The following FOXP2 variants were observed in gnomAD, a reference collection of about 807,000 sequenced individuals.
The protein encoded by FOXP2 is forkhead box protein P2.
FOXP2 carries 12 observed loss-of-function variants against 115.8 expected under a neutral mutation model. That is an observed-to-expected ratio of 0.10 (90% CI 0.07 to 0.17). The LOEUF (loss-of-function observed/expected upper bound fraction) is 0.17, where lower values mean the gene tolerates loss of function less well. Among genes scored for constraint, FOXP2 ranks in the 10% least tolerant of loss-of-function variants. The pLI, the probability that FOXP2 is intolerant of heterozygous loss-of-function variation, is 1.00. For missense variants in FOXP2, 629 were observed against 843.5 expected (o/e 0.75, Z 3.15); for synonymous variants, 328 against 297.7 (o/e 1.10, Z -1.05).
chr7:114,613,381 AAT>A (rs1803735772), intron 3 of FOXP2, among the ~76,000 whole-genome samples: 1 of 152,090 alleles, frequency 6.6e-6, no homozygotes, highest in Non-Finnish European at 1.5e-5. Flanking sequence ...TGCATCAAGA[AAT>A]ATATTTTGGA....
At chr7:114,207,262 C>G (rs1057094661) in intron 1 of FOXP2, among the ~76,000 whole-genome samples, 2 of 152,086 alleles carry the variant, frequency 1.3e-5, no homozygotes, top group African/African-American at 4.8e-5. Context: ...TAATGCTGCT[C>G]TGAGCATTCA....
At chr7:114,169,328 A>T (rs1793073331) in intron 1 of FOXP2, among the ~76,000 whole-genome samples, 1 of 152,230 alleles carries the variant, frequency 6.6e-6, no homozygotes, top group Non-Finnish European at 1.5e-5. Context: ...GCCCAAGACC[A>T]TGGGAACCCA....
chr7:114,218,325 G>GT (rs1157777863), intron 1 of FOXP2, among the ~76,000 whole-genome samples: 1 of 152,090 alleles, frequency 6.6e-6, no homozygotes, highest in Non-Finnish European at 1.5e-5. Flanking sequence ...AAATTCATGG[G>GT]TTAGATACAT....
intron 2 of FOXP2, among the ~76,000 whole-genome samples, chr7:114,393,966 G>T (rs1250614263): frequency 7.8e-6 from 1 of 128,356 alleles, no homozygotes; most frequent in Non-Finnish European, 1.6e-5. Flanking sequence ...CAGTGTGCAT[G>T]TGTGTGTGTG....
intron 14 of FOXP2, among the ~76,000 whole-genome samples, chr7:114,662,647 C>T (rs927585078): frequency 6.6e-6 from 1 of 152,054 alleles, no homozygotes; most frequent in Non-Finnish European, 1.5e-5. Context: ...CAAATACTCT[C>T]ATTTTCCAAG....
chr7:114,619,965 G>T (rs530333618), intron 3 of FOXP2, among the ~76,000 whole-genome samples: 29 of 152,050 alleles, frequency 1.9e-4, no homozygotes, highest in South Asian at 4.1e-4. Context: ...TGTCATTTAT[G>T]GTGTATAGGG....
chr7:114,589,323 A>G (rs1042055074), intron 3 of FOXP2, among the ~76,000 whole-genome samples: 2 of 152,052 alleles, frequency 1.3e-5, no homozygotes, highest in African/African-American at 4.8e-5. Flanking sequence ...ATGTGAAGTA[A>G]ATATTCTGCA....
intron 3 of FOXP2, among the ~76,000 whole-genome samples, chr7:114,602,469 C>G (rs1047570774): frequency 1.3e-5 from 2 of 151,948 alleles, no homozygotes. Flanking sequence ...TTACTCATGA[C>G]TTGTAAGAGC....
intron 2 of FOXP2, among the ~76,000 whole-genome samples, chr7:114,299,516 T>C (rs1231967990): frequency 6.6e-6 from 1 of 151,710 alleles, no homozygotes; most frequent in African/African-American, 2.4e-5. Context: ...TAATTTATAT[T>C]AAATAATGTT....
At chr7:114,188,054 G>A (rs1361182175) in intron 1 of FOXP2, among the ~76,000 whole-genome samples, 1 of 152,056 alleles carries the variant, frequency 6.6e-6, no homozygotes, top group African/African-American at 2.4e-5. Context: ...TGGACAACAT[G>A]CAAACGATAG....
At chr7:114,094,179 A>G (rs1799597748) in intron 1 of FOXP2, among the ~76,000 whole-genome samples, 1 of 152,170 alleles carries the variant, frequency 6.6e-6, no homozygotes, top group Non-Finnish European at 1.5e-5. Context: ...CAGTATATAT[A>G]CTTAAACAGA....
At chr7:114,506,092 CT>C (rs1425881401) in intron 2 of FOXP2, among the ~76,000 whole-genome samples, 1 of 151,620 alleles carries the variant, frequency 6.6e-6, no homozygotes, top group Non-Finnish European at 1.5e-5. Context: ...GTATGTAGCA[CT>C]TGGCAGATGC....
chr7:114,360,262 T>C (rs2129187419), intron 2 of FOXP2, among the ~76,000 whole-genome samples: 1 of 152,326 alleles, frequency 6.6e-6, no homozygotes, highest in South Asian at 2.1e-4. Context: ...TCCCCAGCCA[T>C]GTGAAGCTAT....
rs116410984 is a variant in FOXP2, at chr7:114,183,082, G to T, written c.-102+19994G>T. ...TCAGAATTGAGGGGGTGGTGGTAGA[G>T]GTCTGTATCACAAAAGTCCAGTCTG... On this transcript the variant is annotated intron_variant, in intron 1 of 17. Transcript: ENST00000634411. 8.1e-3 allele frequency among the ~76,000 whole-genome samples: 1,228 copies of T among 152,170 alleles called. 9 individuals are homozygous for T. Among genetic ancestry groups the T allele is most frequent in the African/African-American group, 0.028 (1,169 of 41,522 alleles).
intron 1 of FOXP2, among the ~76,000 whole-genome samples, chr7:114,282,502 C>T (rs1307267191): frequency 6.6e-6 from 1 of 152,056 alleles, no homozygotes. Flanking sequence ...TATCTCTGTC[C>T]TGGTTTATAT....
At position 114,290,523 on chromosome 7, in the gene FOXP2, G is replaced by T. The variant is rs1796566463; in HGVS notation, c.-11+2414G>T. Among the ~76,000 whole-genome samples, 3 of 152,080 alleles carry T rather than the reference G, an allele frequency of 2.0e-5. No individual in the cohort carries two copies. In the East Asian group the frequency reaches 5.8e-4, roughly 29 times the overall value. On this transcript the variant is annotated intron_variant, in intron 2 of 17. Transcript: ENST00000634411. Reference sequence around the variant, plus strand: ...ATAAATTTCATAAATACTTATTAAAGATTAGGTATCATATGAAAAATATTT... The same window carrying T: ...ATAAATTTCATAAATACTTATTAAATATTAGGTATCATATGAAAAATATTT...
At chr7:114,643,240 A>G (rs1298770417) in intron 7 of FOXP2, among the ~76,000 whole-genome samples, 1 of 152,138 alleles carries the variant, frequency 6.6e-6, no homozygotes, top group Non-Finnish European at 1.5e-5. Context: ...TATTTTTATG[A>G]CTGATATGAT....
chr7:114,514,099 AC>A (rs1473838837), intron 2 of FOXP2, among the ~76,000 whole-genome samples: 2 of 150,416 alleles, frequency 1.3e-5, no homozygotes, highest in Admixed American at 6.6e-5. Flanking sequence ...ACACACACAC[AC>A]ACACACACAC....
intron 2 of FOXP2, chr7:114,297,078 C>A: frequency 4.9e-6 from 2 of 410,822 alleles, no homozygotes; most frequent in South Asian, 4.1e-5. Context: ...TGTCAAGCTG[C>A]CCTTTATTTC....
Sources: gnomAD v4.1 joint callset for allele counts (sites outside exome capture counted in the v4.1 genomes callset) on GRCh38, gnomAD v4.1.1 for gene constraint, MANE v1.5 for transcripts, NCBI Gene and HGNC (gene_info 2026-07-23, HGNC 2026-07-21) for gene names.